MTHFD2L: variants seen among roughly 807,000 people sequenced by gnomAD.
MTHFD2L encodes the protein bifunctional methylenetetrahydrofolate dehydrogenase/cyclohydrolase 2, mitochondrial.
A neutral mutation model predicts 34.9 loss-of-function variants in MTHFD2L; 29 were observed. The ratio of observed to expected loss-of-function variants is 0.83; its 90% CI spans 0.62 to 1.13. The LOEUF (loss-of-function observed/expected upper bound fraction) is 1.13, where lower values mean the gene tolerates loss of function less well. Ranked by LOEUF, MTHFD2L falls within the 50% of genes most tolerant of loss-of-function variation. MTHFD2L has a pLI of 0.00. For missense variants in MTHFD2L, 481 were observed against 446.5 expected (o/e 1.08, Z -0.70); for synonymous variants, 167 against 155.7 (o/e 1.07, Z -0.54).
chr4:74,224,767 C>T (rs907144366), intron 5 of MTHFD2L, among the ~76,000 whole-genome samples: 3 of 152,070 alleles, frequency 2.0e-5, no homozygotes, highest in African/African-American at 7.2e-5. Flanking sequence ...ATTCTTTTAG[C>T]TTGGAATGCC....
rs141235462 is a variant in MTHFD2L, at chr4:74,181,149, T to C, written c.451+5746T>C. Among the ~76,000 whole-genome samples, 142 of 152,228 alleles carry C rather than the reference T, an allele frequency of 9.3e-4. 3 individuals are homozygous for C. In the East Asian group the frequency reaches 0.024, roughly 26 times the overall value. On this transcript the variant is annotated intron_variant, in intron 3 of 7. Transcript: ENST00000325278. ...GGAATTCTGCTATAAATGTTTGTTA[T>C]AGAATAGAATTTGGTGCAGGGTGAA...
chr4:74,174,355 C>A (rs981807504), intron 1 of MTHFD2L, 151 bp from the exon 2 acceptor site: 1 of 431,048 alleles, frequency 2.3e-6, no homozygotes, highest in Admixed American at 4.4e-5. Flanking sequence ...TATTTATGAA[C>A]CTGAAGAGTA....
chr4:74,269,410 T>G (rs1745686536), intron 6 of MTHFD2L, among the ~76,000 whole-genome samples: 1 of 152,082 alleles, frequency 6.6e-6, no homozygotes, highest in Admixed American at 6.6e-5. Context: ...AATTTGGAGT[T>G]AATATAGTTT....
intron 1 of MTHFD2L, among the ~76,000 whole-genome samples, chr4:74,159,232 G>T (rs1232742309): frequency 1.3e-5 from 2 of 152,172 alleles, no homozygotes; most frequent in Non-Finnish European, 2.9e-5. Context: ...TATAGGATTT[G>T]CTTTGGACAT....
At chr4:74,215,151 G>A (rs1256283718) in intron 5 of MTHFD2L, among the ~76,000 whole-genome samples, 2 of 151,706 alleles carry the variant, frequency 1.3e-5, no homozygotes, top group African/African-American at 2.4e-5. Context: ...TGTAGGGTGG[G>A]ATCCGCTGAA....
chr4:74,292,090 G>GAA (rs1181995596), intron 7 of MTHFD2L, among the ~76,000 whole-genome samples: 5 of 152,274 alleles, frequency 3.3e-5, no homozygotes, highest in Non-Finnish European at 5.9e-5. Flanking sequence ...AACCCACACT[G>GAA]AGCATTTCAC....
rs1001194593 is a variant in MTHFD2L at position 74,180,136 on chromosome 4, T to G, written c.451+4733T>G. ...AAAGACAGGCTGGGAAATACAAAAA[T>G]TGTCTCTTGGTTATGAAACTCAACT... is the stretch of plus-strand genomic sequence containing the variant. On this transcript the variant is annotated intron_variant, in intron 3 of 7. Coordinates refer to ENST00000325278, the MANE Select transcript of MTHFD2L (RefSeq NM_001144978.3). Among the ~76,000 whole-genome samples, 84 of 152,120 alleles carry G rather than the reference T, an allele frequency of 5.5e-4. 1 individual carries two copies. Among genetic ancestry groups the G allele is most frequent in the Non-Finnish European group, 5.9e-5 (4 of 68,004 alleles).
rs374990474 is a variant in MTHFD2L at position 74,140,433 on chromosome 4, GTAAT to G, written c.-297+14924_-297+14927del. 5.1e-4 allele frequency: 203 copies of G among 398,420 alleles called. 1 individual carries two copies. Among genetic ancestry groups the G allele is most frequent in the South Asian group, 5.2e-4 (5 of 9,570 alleles). The allele number at this position is 398,420 out of a possible 1,614,324, so 24.7% of individuals were successfully genotyped here. A position where few individuals can be genotyped will look rare whatever the true frequency, so the allele number is the denominator to read the frequency against. On this transcript the variant is annotated intron_variant, in intron 1 of 7. Transcript: ENST00000433372. ...GTAATTTTATTAGTTTTAATTTTAT[GTAAT>G]TAATTAACTTAATCCACACAAATAC...
At chr4:74,282,148 C>A (rs1334294159) in intron 7 of MTHFD2L, among the ~76,000 whole-genome samples, 1 of 152,078 alleles carries the variant, frequency 6.6e-6, no homozygotes, top group Non-Finnish European at 1.5e-5. Context: ...CCAGTCTTCT[C>A]TTTACAATAG....
intron 7 of MTHFD2L, among the ~76,000 whole-genome samples, 155 bp from the exon 8 acceptor site, chr4:74,301,532 CGTGTGTGTGT>C (rs72168468): frequency 2.7e-5 from 4 of 146,062 alleles, no homozygotes; most frequent in African/African-American, 7.5e-5. Context: ...TGAGTGTGAG[CGTGTGTGTGT>C]GTGTGTGTGT....
intron 7 of MTHFD2L, chr4:74,288,337 A>G (rs1748460319): frequency 6.6e-6 from 1 of 152,162 alleles, no homozygotes; most frequent in South Asian, 2.1e-4. Context: ...AATAAAATCC[A>G]TCTTTAATAA....
intron 5 of MTHFD2L, among the ~76,000 whole-genome samples, chr4:74,218,614 G>GC (rs58972298): frequency 0.071 from 10,261 of 145,498 alleles, 993 homozygotes; most frequent in African/African-American, 0.22. Flanking sequence ...GTAATTTCAA[G>GC]CCCCCCCCCC....
chr4:74,117,739 A>C (rs944144930), intron 2 of MTHFD2L, among the ~76,000 whole-genome samples: 2 of 152,164 alleles, frequency 1.3e-5, no homozygotes, highest in Non-Finnish European at 2.9e-5. Flanking sequence ...TCTAAAGGAG[A>C]GAGCACACAG....
intron 6 of MTHFD2L, among the ~76,000 whole-genome samples, chr4:74,258,773 A>C (rs367681150): frequency 2.0e-5 from 3 of 152,298 alleles, no homozygotes; most frequent in African/African-American, 7.2e-5. Flanking sequence ...AAAATGAAAT[A>C]ATTAGTTCTA....
At chr4:74,296,382 C>G (rs571090117) in intron 7 of MTHFD2L, among the ~76,000 whole-genome samples, 1 of 152,204 alleles carries the variant, frequency 6.6e-6, no homozygotes, top group African/African-American at 2.4e-5. Context: ...TAAAAAATGG[C>G]CACACATTTA....
At chr4:74,121,602 T>A (rs915671020), upstream of MTHFD2L, among the ~76,000 whole-genome samples, 6 of 144,678 alleles carry the variant, frequency 4.1e-5, no homozygotes, top group South Asian at 1.1e-3. Flanking sequence ...TTATATATAA[T>A]TAATTATTTA....
chr4:74,254,531 A>C (rs979362575), intron 6 of MTHFD2L, among the ~76,000 whole-genome samples: 2 of 151,766 alleles, frequency 1.3e-5, no homozygotes, highest in African/African-American at 4.8e-5. Flanking sequence ...ACTAAGTATA[A>C]TATATCAGCA....
intron 6 of MTHFD2L, among the ~76,000 whole-genome samples, chr4:74,248,209 G>T (rs1742772278): frequency 6.6e-6 from 1 of 152,066 alleles, no homozygotes; most frequent in Admixed American, 6.6e-5. Context: ...TTAGTCTTGG[G>T]AGAGTGTATG....
At chr4:74,121,808 C>T (rs1214778323), upstream of MTHFD2L, among the ~76,000 whole-genome samples, 1 of 151,294 alleles carries the variant, frequency 6.6e-6, no homozygotes, top group Non-Finnish European at 1.5e-5. Flanking sequence ...ATCCCTAAAG[C>T]ATCCCCTTAT....
Sources: gnomAD v4.1 joint callset for allele counts (sites outside exome capture counted in the v4.1 genomes callset) on GRCh38, gnomAD v4.1.1 for gene constraint, MANE v1.5 for transcripts, NCBI Gene and HGNC (gene_info 2026-07-23, HGNC 2026-07-21) for gene names.